The following NCDN variants were observed in gnomAD, a reference collection of about 807,000 sequenced individuals.
NCDN encodes the protein neurochondrin, also known as norbin.
NCDN carries 9 observed loss-of-function variants against 60.7 expected under a neutral mutation model. The ratio of observed to expected loss-of-function variants is 0.15; its 90% CI spans 0.09 to 0.26. The LOEUF (loss-of-function observed/expected upper bound fraction) is 0.26, where lower values mean the gene tolerates loss of function less well. Among genes scored for constraint, NCDN ranks in the 10% least tolerant of loss-of-function variants. The pLI is 1.00. For synonymous variants in NCDN, 409 were observed against 442.5 expected, an observed-to-expected ratio of 0.92 and a Z score of 0.95; for missense variants, 578 against 975.2, an observed-to-expected ratio of 0.59 and a Z score of 5.42.
In NCDN at chr1:35,560,791, G is replaced by T. The variant is rs1648672826; in HGVS notation, c.640G>T (p.Ala214Ser). The change falls in exon 3 of 7, where the codon GCG (alanine) becomes TCG (serine). Residue 214 changes from alanine (A) to serine (S), a missense_variant. Coordinates refer to ENST00000373243, the MANE Select transcript of NCDN (RefSeq NM_014284.3). This position sits in a 1 kb window ranked among gnomAD's most constrained non-coding sequence, Gnocchi z 7.6. ...AAAETQCWKE[A>S]EPDLLAVLRG... ...TGCCGAGACACAGTGCTGGAAGGAG[G>T]CGGAGCCCGACCTGCTGGCCGTGTT... 1 of 1,613,428 alleles carries T rather than the reference G, an allele frequency of 6.2e-7. No individual in the cohort carries two copies. Among genetic ancestry groups the T allele is most frequent in the African/African-American group, 1.3e-5 (1 of 75,064 alleles).
In NCDN at chr1:35,562,247, G is replaced by C. The variant is rs368929072; in HGVS notation, c.1144-145G>C. 3 of 1,214,110 alleles carry C rather than the reference G, an allele frequency of 2.5e-6. No homozygotes were observed. In the East Asian group the frequency reaches 7.1e-5, roughly 29 times the overall value. 75.2% of individuals were successfully genotyped at this position (1,214,110 alleles called of 1,614,324 possible). A position where few individuals can be genotyped will look rare whatever the true frequency, so the allele number is the denominator to read the frequency against. The stretch of plus-strand genomic sequence containing the variant: ...CACATGCTAGGTGCTGGGTTCATGG[G>C]ACAGAATAAAGGTTGGGGCCTGCCT... On this transcript the variant is annotated intron_variant, in intron 3 of 6. Coordinates refer to ENST00000373243, the MANE Select transcript of NCDN (RefSeq NM_014284.3). The surrounding 1 kb of genome is among the most constrained non-coding windows in gnomAD (Gnocchi z 6.8).
In NCDN at chr1:35,558,216, C is replaced by T. The variant is rs147742248; in HGVS notation, c.26C>T (p.Ala9Val). The change falls in exon 1 of 7, where the codon GCG becomes GTG. Residue 9 changes from alanine (A) to valine (V), a missense_variant. By Grantham distance (64) the Ala-to-Val change is moderately conservative. Transcript: ENST00000373243. This position sits in a 1 kb window ranked among gnomAD's most constrained non-coding sequence, Gnocchi z 6.3. The part of the protein sequence containing the change: MSCCDLAA[A>V]GQLGKASIMA... ...ATGTCGTGTTGTGACCTGGCTGCGG[C>T]GGGACAGGTGGTGACCGCCAGGAAC... 8 of 1,614,046 alleles carry T rather than the reference C, an allele frequency of 5.0e-6. No individual in the cohort carries two copies. In the African/African-American group the frequency reaches 8.0e-5, roughly 16 times the overall value.
At chr1:35,559,053 C>A in intron 1 of NCDN, 54 bp from the exon 2 acceptor site, 6 of 1,282,496 alleles carry the variant, frequency 4.7e-6, no homozygotes, top group South Asian at 2.6e-5. Flanking sequence ...TCACCCCCAC[C>A]CCACCCCCGT....
intron 6 of NCDN, among the ~76,000 whole-genome samples, chr1:35,564,684 TC>T (rs1302910255): frequency 1.3e-5 from 2 of 152,190 alleles, no homozygotes; most frequent in Non-Finnish European, 2.9e-5. Context: ...AATTTCATGG[TC>T]CCAGTTCTGG....
At position 35,565,676 on chromosome 1, in the gene NCDN, G is replaced by T. The variant is rs75817414; in HGVS notation, c.*13G>T. 1.4e-5 allele frequency: 22 copies of T among 1,538,538 alleles called. No homozygotes were observed. In the African/African-American group the frequency reaches 2.4e-4, roughly 17 times the overall value. On this transcript the variant is annotated 3_prime_UTR_variant, in exon 7 of 7. Transcript: ENST00000373243. This position sits in a 1 kb window ranked among gnomAD's most constrained non-coding sequence, Gnocchi z 8.9. ...GTCAGAGCCCTGAGGGGTGTCCACC[G>T]GGGACAGACCCAGGGGCGGGCAGAG...
rs1172785202 is a variant in NCDN, at chr1:35,565,271, A to G, written c.1798A>G (p.Ile600Val). 2 of 1,613,498 alleles carry G rather than the reference A, an allele frequency of 1.2e-6. No homozygotes were observed. Among genetic ancestry groups the G allele is most frequent in the Non-Finnish European group, 1.7e-6 (2 of 1,179,518 alleles). Residue 600 changes from isoleucine (I) to valine (V), a missense_variant, in exon 7 of 7, where the codon ATC (isoleucine) becomes GTC (valine). By Grantham distance (29) the Ile-to-Val change is conservative. Transcript: ENST00000373243. This position sits in a 1 kb window ranked among gnomAD's most constrained non-coding sequence, Gnocchi z 8.9. ...PASRGFFAAAILFLSQSHVAR... is the reference protein window; with the variant it reads ...PASRGFFAAAVLFLSQSHVAR... ...ATCCCGAGGGTTCTTCGCAGCTGCC[A>G]TCCTCTTCCTATCACAGTCCCACGT...
In NCDN at chr1:35,558,019, T is replaced by G; in HGVS notation, c.-172T>G. ...CATATCGCGACACCATCGTGCCCTG[T>G]CGAGACTCCATTTTGTCACAGCCCT... On this transcript the variant is annotated 5_prime_UTR_variant, in exon 1 of 7. Coordinates refer to ENST00000373243, the MANE Select transcript of NCDN (RefSeq NM_014284.3). The surrounding 1 kb of genome is among the most constrained non-coding windows in gnomAD (Gnocchi z 6.3). 4.1e-6 allele frequency: 4 copies of G among 979,842 alleles called. No individual in the cohort carries two copies. 60.7% of individuals were successfully genotyped at this position (979,842 alleles called of 1,614,324 possible). A position where few individuals can be genotyped will look rare whatever the true frequency, so the allele number is the denominator to read the frequency against.
Position 35,559,184 on chromosome 1 carries a change from G to A in NCDN, c.111G>A (p.Glu37=). 2.5e-6 allele frequency: 4 copies of A among 1,614,124 alleles called. No individual in the cohort carries two copies. Among genetic ancestry groups the A allele is most frequent in the African/African-American group, 1.3e-5 (1 of 75,034 alleles). ...NQAEGRNPTL[E]RYLGALREAK... ...CAGAGGGCCGAAACCCCACCCTGGA[G>A]CGCTACCTGGGAGCCCTCCGTGAGG... Residue 37 remains glutamate, a synonymous_variant, in exon 2 of 7, where the codon GAG becomes GAA. Transcript: ENST00000373243.
Position 35,558,219 on chromosome 1 carries a change from G to C in NCDN, c.29G>C (p.Gly10Ala), listed in dbSNP as rs751169285. The change falls in exon 1 of 7, where the codon GGA (glycine) becomes GCA (alanine). Residue 10 changes from glycine (G) to alanine (A), a missense_variant. Gly to Ala is a moderately conservative substitution (Grantham distance 60, BLOSUM62 0). Transcript: ENST00000373243. This position sits in a 1 kb window ranked among gnomAD's most constrained non-coding sequence, Gnocchi z 6.3. Reference protein sequence around the residue: MSCCDLAAAGQLGKASIMAS... With the variant: MSCCDLAAAAQLGKASIMAS... ...TCGTGTTGTGACCTGGCTGCGGCGG[G>C]ACAGGTGGTGACCGCCAGGAACCCT... The C allele has an allele frequency of 3.1e-6, 5 of 1,613,930 alleles. No individual in the cohort carries two copies. Among genetic ancestry groups the C allele is most frequent in the Non-Finnish European group, 4.2e-6 (5 of 1,180,018 alleles).
In NCDN at chr1:35,565,311, C is replaced by A; in HGVS notation, c.1838C>A (p.Pro613Gln). The part of the protein sequence containing the change: ...LSQSHVARAT[P>Q]GSDQAVLALS... Reference sequence around the variant, plus strand: ...CAGTCCCACGTGGCGCGGGCCACCCCGGGCTCAGACCAGGCAGTGCTAGCC... The same window carrying A: ...CAGTCCCACGTGGCGCGGGCCACCCAGGGCTCAGACCAGGCAGTGCTAGCC... Residue 613 changes from proline (P) to glutamine (Q), a missense_variant, in exon 7 of 7, where the codon CCG becomes CAG. Around this residue, in one of 3 missense-constraint regions of NCDN, gnomAD observed 191 missense variants for 372.1 expected, o/e 0.51. Transcript: ENST00000373243. This position sits in a 1 kb window ranked among gnomAD's most constrained non-coding sequence, Gnocchi z 8.9. 6.2e-7 allele frequency: 1 copy of A among 1,613,986 alleles called. No homozygotes were observed. Among genetic ancestry groups the A allele is most frequent in the Non-Finnish European group, 8.5e-7 (1 of 1,179,918 alleles).
Position 35,565,186 on chromosome 1 carries a change from G to C in NCDN, c.1754-41G>C, listed in dbSNP as rs1648832172. 1 of 1,558,214 alleles carries C rather than the reference G, an allele frequency of 6.4e-7. No individual in the cohort carries two copies. Among genetic ancestry groups the C allele is most frequent in the Non-Finnish European group, 8.7e-7 (1 of 1,144,620 alleles). Reference sequence around the variant, plus strand: ...AGGGAAGGGTCTGACACAGCAGCTGGCCTGTCCGATTCATGCCCCACTCCT... The same window carrying C: ...AGGGAAGGGTCTGACACAGCAGCTGCCCTGTCCGATTCATGCCCCACTCCT... On this transcript the variant is annotated intron_variant, in intron 6 of 6. Transcript: ENST00000373243. This position sits in a 1 kb window ranked among gnomAD's most constrained non-coding sequence, Gnocchi z 8.9.
rs756541552 is a variant in NCDN at position 35,562,534 on chromosome 1, ACGAGGAGGC to A, written c.1297_1305del (p.Glu433_Ala435del). On this transcript the variant is annotated inframe_deletion, in exon 4 of 7. Coordinates refer to ENST00000373243, the MANE Select transcript of NCDN (RefSeq NM_014284.3). The surrounding 1 kb of genome is among the most constrained non-coding windows in gnomAD (Gnocchi z 6.8). ...CTCGTCCGCTATGCCAAGACCCTCT[ACGAGGAGGC>A]CGAGGAGGCCAATGACCTTTCCCAG... The A allele has an allele frequency of 3.1e-6, 5 of 1,614,112 alleles. No homozygotes were observed. Among genetic ancestry groups the A allele is most frequent in the Non-Finnish European group, 4.2e-6 (5 of 1,179,996 alleles).
Position 35,558,999 on chromosome 1 carries a change from C to T in NCDN, c.34-108C>T. Reference sequence around the variant, plus strand: ...AGTCCACCCCTCCAGATTCTCTCCTCCCCTCCCTCTGTGCTAATCCCTCCC... The same window carrying T: ...AGTCCACCCCTCCAGATTCTCTCCTTCCCTCCCTCTGTGCTAATCCCTCCC... On this transcript the variant is annotated intron_variant, in intron 1 of 6. Coordinates refer to ENST00000373243, the MANE Select transcript of NCDN (RefSeq NM_014284.3). This position sits in a 1 kb window ranked among gnomAD's most constrained non-coding sequence, Gnocchi z 6.3. 9.1e-7 allele frequency: 1 copy of T among 1,096,786 alleles called. No homozygotes were observed. The highest frequency in any genetic ancestry group is 3.1e-5 in the East Asian group (1 of 31,758). The allele number at this position is 1,096,786 out of a possible 1,614,324, so 67.9% of individuals were successfully genotyped here.
intron 6 of NCDN, among the ~76,000 whole-genome samples, chr1:35,564,641 C>G (rs1648812560): frequency 6.6e-6 from 1 of 152,218 alleles, no homozygotes; most frequent in South Asian, 2.1e-4. Flanking sequence ...CCACTCTGCA[C>G]TCTCAGTCCC....
Position 35,560,379 on chromosome 1 carries a change from C to T in NCDN, c.228C>T (p.Ile76=). Reference sequence around the variant, plus strand: ...TAGATGCCAAAACTCGGCGGCGGATCTTCGATGCTGTCGGCTTCACCTTCC... The same window carrying T: ...TAGATGCCAAAACTCGGCGGCGGATTTTCGATGCTGTCGGCTTCACCTTCC... ...GDIDAKTRRR[I]FDAVGFTFPN... Residue 76 remains isoleucine, a synonymous_variant, in exon 3 of 7, where the codon ATC becomes ATT. Coordinates refer to ENST00000373243, the MANE Select transcript of NCDN (RefSeq NM_014284.3). The surrounding 1 kb of genome is among the most constrained non-coding windows in gnomAD (Gnocchi z 7.6). The T allele has an allele frequency of 6.2e-7, 1 of 1,614,062 alleles. No homozygotes were observed. The highest frequency in any genetic ancestry group is 8.5e-7 in the Non-Finnish European group (1 of 1,180,044).
In NCDN at chr1:35,560,949, A is replaced by G. The variant is rs1648681317; in HGVS notation, c.798A>G (p.Ala266=). Residue 266 remains alanine (A), a synonymous_variant, in exon 3 of 7, where the codon GCA becomes GCG. Coordinates refer to ENST00000373243, the MANE Select transcript of NCDN (RefSeq NM_014284.3). The surrounding 1 kb of genome is among the most constrained non-coding windows in gnomAD (Gnocchi z 7.6). ...ACCGGGATCTGCAGGCCGGGCTGGC[A>G]CGCATCCTGGGAAGCAAGCTGAGCT... ...ECYRDLQAGL[A]RILGSKLSSW... is the part of the protein sequence containing the mutation. The G allele has an allele frequency of 1.2e-6, 2 of 1,612,796 alleles. No individual in the cohort carries two copies. The highest frequency in any genetic ancestry group is 1.7e-6 in the Non-Finnish European group (2 of 1,179,014).
rs1557427355 is a variant in NCDN at position 35,565,046 on chromosome 1, C to T, written c.1754-181C>T. Among the ~76,000 whole-genome samples the T allele has an allele frequency of 6.6e-6, 1 of 152,126 alleles. No homozygotes were observed. Among genetic ancestry groups the T allele is most frequent in the African/African-American group, 2.4e-5 (1 of 41,392 alleles). On this transcript the variant is annotated intron_variant, in intron 6 of 6. Transcript: ENST00000373243. The surrounding 1 kb of genome is among the most constrained non-coding windows in gnomAD (Gnocchi z 8.9). ...CCCATTTTACAAGTAAAGAAACAGA[C>T]CCAGAAAAGTTAATTACCCAAGGTC...
At position 35,558,897 on chromosome 1, in the gene NCDN, A is replaced by G. The variant is rs890281439; in HGVS notation, c.34-210A>G. 6.6e-6 allele frequency among the ~76,000 whole-genome samples: 1 copy of G among 151,968 alleles called. No homozygotes were observed. The highest frequency in any genetic ancestry group is 1.5e-5 in the Non-Finnish European group (1 of 67,948). On this transcript the variant is annotated intron_variant, in intron 1 of 6. Transcript: ENST00000373243. This position sits in a 1 kb window ranked among gnomAD's most constrained non-coding sequence, Gnocchi z 6.3. ...CGCTTTCTGGAGGTGACCTTGGACCAGGGTCCCTTCTTTATCCCTAAGGAT... is the reference window on the plus strand; with the variant it reads ...CGCTTTCTGGAGGTGACCTTGGACCGGGGTCCCTTCTTTATCCCTAAGGAT...
rs572728420 is a variant in NCDN at position 35,561,125 on chromosome 1, C to T, written c.974C>T (p.Thr325Met). ...CVEVRLALEE[T>M]GTEVKEDVVT... ...GAAGTGCGGCTGGCACTGGAGGAGA[C>T]GGGCACGGAGGTGAAAGAGGATGTG... is the stretch of plus-strand genomic sequence containing the variant. Residue 325 changes from threonine (T) to methionine (M), a missense_variant, in exon 3 of 7, where the codon ACG becomes ATG. Thr to Met is a moderately conservative substitution (Grantham distance 81, BLOSUM62 -1). Around this residue, in one of 3 missense-constraint regions of NCDN, gnomAD observed 363 missense variants for 583.6 expected, o/e 0.62. Transcript: ENST00000373243. The surrounding 1 kb of genome is among the most constrained non-coding windows in gnomAD (Gnocchi z 4.9). The T allele has an allele frequency of 2.7e-5, 44 of 1,612,792 alleles. No homozygotes were observed. Among genetic ancestry groups the T allele is most frequent in the Middle Eastern group, 1.7e-4 (1 of 6,060 alleles).
Sources: allele counts gnomAD v4.1 joint callset (sites outside exome capture counted in the v4.1 genomes callset), GRCh38; gene constraint gnomAD v4.1.1; regional missense constraint gnomAD v4.1.1; non-coding constraint Gnocchi (gnomAD v3.1); transcripts MANE v1.5; gene names NCBI Gene and HGNC (gene_info 2026-07-23, HGNC 2026-07-21).